PALM2AKAP2: variants seen among roughly 807,000 people sequenced by gnomAD.
PALM2AKAP2 encodes the protein PALM2 and AKAP2 fusion, also known as PALM2-AKAP2 fusion protein.
PALM2AKAP2 carries 37 observed loss-of-function variants against 71.5 expected under a neutral mutation model. The ratio of observed to expected loss-of-function variants is 0.52; its 90% CI spans 0.40 to 0.68. The LOEUF (loss-of-function observed/expected upper bound fraction) is 0.68. PALM2AKAP2 is among the 30% of genes least tolerant of loss of function. The pLI is 0.00. For synonymous variants in PALM2AKAP2, 468 were observed against 478.8 expected, an observed-to-expected ratio of 0.98 and a Z score of 0.29; for missense variants, 1,224 against 1,191.8, an observed-to-expected ratio of 1.03 and a Z score of -0.40.
intron 6 of PALM2AKAP2, among the ~76,000 whole-genome samples, chr9:109,998,925 C>T (rs151065309): frequency 5.3e-4 from 81 of 152,190 alleles, no homozygotes; most frequent in South Asian, 1.9e-3. Context: ...TAGGCAGCCT[C>T]GAGGCCCCTT....
rs996208294 is a variant in PALM2AKAP2, at chr9:110,167,400, A to G, written c.2749-999A>G. ...CAGAACAATTGGCAAGAATGCCTGG[A>G]CTTGTTTTCTGCATGGTCATGAAAT... On this transcript the variant is annotated intron_variant, in intron 3 of 3. Transcript: ENST00000374525. Among the ~76,000 whole-genome samples, 7 of 152,322 alleles carry G rather than the reference A, an allele frequency of 4.6e-5. No homozygotes were observed. The South Asian group carries it at 1.0e-3, about 23-fold the overall frequency.
chr9:109,922,708 C>T (rs1420398771), intron 3 of PALM2AKAP2, among the ~76,000 whole-genome samples: 1 of 152,172 alleles, frequency 6.6e-6, no homozygotes, highest in African/African-American at 2.4e-5. Context: ...CCATCCTACT[C>T]TGCCAATATA....
chr9:109,794,211 C>T (rs1827188602), intron 1 of PALM2AKAP2, among the ~76,000 whole-genome samples: 1 of 152,146 alleles, frequency 6.6e-6, no homozygotes, highest in African/African-American at 2.4e-5. Context: ...GGAATTTTCT[C>T]ATTATATCCT....
chr9:109,843,520 T>C (rs974198929), intron 1 of PALM2AKAP2, among the ~76,000 whole-genome samples: 9 of 151,714 alleles, frequency 5.9e-5, no homozygotes, highest in Non-Finnish European at 1.2e-4. Context: ...CATGTGTGAA[T>C]ATATATATAT....
At position 109,683,122 on chromosome 9, in the gene PALM2AKAP2, C is replaced by T. The variant is rs564586396; in HGVS notation, c.5+42256C>T. Among the ~76,000 whole-genome samples the T allele has an allele frequency of 2.6e-5, 4 of 152,308 alleles. No homozygotes were observed. In the South Asian group the frequency reaches 6.2e-4, roughly 24 times the overall value. ...CTGCTTTCACCATGTGAAGTGCCTG[C>T]TCTTTCTTTGCCTTCCACCATGATT... On this transcript the variant is annotated intron_variant, in intron 1 of 6. Coordinates refer to the PALM2AKAP2 transcript ENST00000374531.
At chr9:110,020,734 G>A (rs766329859) in intron 7 of PALM2AKAP2, among the ~76,000 whole-genome samples, 1 of 151,914 alleles carries the variant, frequency 6.6e-6, no homozygotes, top group Non-Finnish European at 1.5e-5. Flanking sequence ...CCCAGTCTCA[G>A]GTAACTCTTT....
chr9:110,000,994 C>T lies in PALM2AKAP2; in HGVS notation c.497-14960C>T, dbSNP rs545900095. 2.0e-5 allele frequency among the ~76,000 whole-genome samples: 3 copies of T among 152,306 alleles called. No individual in the cohort carries two copies. In the East Asian group the frequency reaches 5.8e-4, roughly 29 times the overall value. On this transcript the variant is annotated intron_variant, in intron 6 of 9. Transcript: ENST00000302798. ...TTCACTCTGATGGTAGTTTCTTTTG[C>T]TGTGCAGAAGCTCTTTAGTTTAATT... is the stretch of plus-strand genomic sequence containing the variant.
At chr9:109,785,838 G>T (rs765327718) in intron 1 of PALM2AKAP2, among the ~76,000 whole-genome samples, 2 of 152,204 alleles carry the variant, frequency 1.3e-5, no homozygotes, top group Non-Finnish European at 2.9e-5. Flanking sequence ...TTGGAAGGGT[G>T]CTTTGATACG....
At chr9:109,876,941 A>G (rs1203429284) in intron 2 of PALM2AKAP2, among the ~76,000 whole-genome samples, 1 of 152,126 alleles carries the variant, frequency 6.6e-6, no homozygotes, top group Non-Finnish European at 1.5e-5. Context: ...CTACCTGCTG[A>G]TGGTGGCAGC....
chr9:109,695,224 G>A (rs1034849219), intron 1 of PALM2AKAP2, among the ~76,000 whole-genome samples: 3 of 152,176 alleles, frequency 2.0e-5, no homozygotes, highest in South Asian at 4.1e-4. Flanking sequence ...AAAGTCAAAA[G>A]CGACTTAGGC....
chr9:109,672,750 G>A (rs188367510), intron 1 of PALM2AKAP2, among the ~76,000 whole-genome samples: 19 of 151,996 alleles, frequency 1.3e-4, no homozygotes, highest in Admixed American at 1.2e-3. Flanking sequence ...TTTTTTGGTT[G>A]GTAGGCTGTT....
chr9:109,645,126 G>A (rs1446045138), intron 1 of PALM2AKAP2, among the ~76,000 whole-genome samples: 1 of 152,164 alleles, frequency 6.6e-6, no homozygotes, highest in Non-Finnish European at 1.5e-5. Flanking sequence ...CTGAGACTGG[G>A]CAATTTACAA....
At chr9:109,764,796 A>G (rs1829123266) in intron 1 of PALM2AKAP2, among the ~76,000 whole-genome samples, 1 of 142,778 alleles carries the variant, frequency 7.0e-6, no homozygotes, top group Admixed American at 7.3e-5. Context: ...AGATGAATGA[A>G]CGGATAAAGG....
intron 1 of PALM2AKAP2, among the ~76,000 whole-genome samples, chr9:110,106,177 A>G (rs555248471): frequency 6.6e-6 from 1 of 152,306 alleles, no homozygotes; most frequent in East Asian, 1.9e-4. Context: ...TTTGGAGAGG[A>G]AAACCTTGGG....
intron 7 of PALM2AKAP2, among the ~76,000 whole-genome samples, chr9:110,040,458 C>G (rs1420705296): frequency 6.6e-6 from 1 of 152,166 alleles, no homozygotes. Context: ...GTTCTCAATA[C>G]TAAAACATTT....
intron 1 of PALM2AKAP2, among the ~76,000 whole-genome samples, chr9:110,076,160 C>T (rs990212873): frequency 3.9e-5 from 6 of 152,084 alleles, no homozygotes; most frequent in African/African-American, 9.7e-5. Context: ...TCTGATAAAG[C>T]TCATCAGTCC....
intron 1 of PALM2AKAP2, among the ~76,000 whole-genome samples, chr9:109,856,606 G>T (rs1373344992): frequency 6.6e-6 from 1 of 152,200 alleles, no homozygotes; most frequent in African/African-American, 2.4e-5. Context: ...TTATTCCTGT[G>T]TGGATGGTGT....
intron 1 of PALM2AKAP2, among the ~76,000 whole-genome samples, chr9:109,816,176 CAGGGCACCTT>C (rs1478368030): frequency 6.6e-6 from 1 of 152,128 alleles, no homozygotes; most frequent in Non-Finnish European, 1.5e-5. Context: ...TCCTACACTC[CAGGGCACCTT>C]ATGTAGGTGT....
Position 109,994,385 on chromosome 9 carries a change from C to T in PALM2AKAP2, c.497-21569C>T, listed in dbSNP as rs1238088965. The stretch of plus-strand genomic sequence containing the variant: ...TCTGTAGTGGGTCCAGCCAAACTCC[C>T]GAATGGGTTTTTAAACTTGAGAAAC... On this transcript the variant is annotated intron_variant, in intron 6 of 9. Transcript: ENST00000302798. Among the ~76,000 whole-genome samples, 8 of 152,162 alleles carry T rather than the reference C, an allele frequency of 5.3e-5. No homozygotes were observed. The East Asian group carries it at 7.7e-4, about 15-fold the overall frequency.
Sources: gnomAD v4.1 joint callset for allele counts (sites outside exome capture counted in the v4.1 genomes callset) on GRCh38, gnomAD v4.1.1 for gene constraint, MANE v1.5 for transcripts, NCBI Gene and HGNC (gene_info 2026-07-23, HGNC 2026-07-21) for gene names.